The following PCDH11X variants were observed in gnomAD, a reference collection of about 807,000 sequenced individuals.
The protein encoded by PCDH11X is protocadherin 11 X-linked.
Under a neutral mutation model 53.3 loss-of-function variants are expected in PCDH11X, and 18 were observed. That is an observed-to-expected ratio of 0.34 (90% CI 0.23 to 0.50). The LOEUF is 0.50. Among genes scored for constraint, PCDH11X ranks in the 20% least tolerant of loss-of-function variants. PCDH11X has a pLI of 0.98. For missense variants in PCDH11X, 570 were observed against 1,032.4 expected, an observed-to-expected ratio of 0.55 and a Z score of 6.14; for synonymous variants, 279 against 393.3, an observed-to-expected ratio of 0.71 and a Z score of 3.44.
intron 10 of PCDH11X, among the ~76,000 whole-genome samples, chrX:92,517,278 A>G (rs945267464): frequency 2.7e-5 from 3 of 111,932 alleles, no homozygotes; most frequent in Non-Finnish European, 5.6e-5. Context: ...GTGCGTGCAT[A>G]CCAAATTTCA....
intron 10 of PCDH11X, among the ~76,000 whole-genome samples, chrX:92,470,642 A>C (rs1032822692): frequency 1.8e-5 from 2 of 111,683 alleles, no homozygotes; most frequent in African/African-American, 6.5e-5. Context: ...CAATTCTTAG[A>C]GAATTTTTTT....
At chrX:92,205,142 C>T (rs769407007) in intron 7 of PCDH11X, among the ~76,000 whole-genome samples, 1 of 111,694 alleles carries the variant, frequency 9.0e-6, no homozygotes, top group Non-Finnish European at 1.9e-5. Context: ...AGCCTACACC[C>T]AGGAATGAAC....
intron 6 of PCDH11X, among the ~76,000 whole-genome samples, chrX:91,899,328 A>G (rs1440107344): frequency 9.9e-5 from 11 of 110,928 alleles, no homozygotes; most frequent in Non-Finnish European, 1.1e-4. Flanking sequence ...CAGCCAGTGT[A>G]TTCTTTCCAG....
At chrX:91,957,094 T>C (rs1298166627) in intron 6 of PCDH11X, among the ~76,000 whole-genome samples, 1 of 111,254 alleles carries the variant, frequency 9.0e-6, no homozygotes. Context: ...TGTTGTGTTT[T>C]TCAGCCCCCT....
chrX:92,618,890 G>T lies in PCDH11X; in HGVS notation c.3994G>T (p.Ala1332Ser). The T allele has an allele frequency of 4.1e-6, 5 of 1,211,936 alleles. No homozygotes were observed. The highest frequency in any genetic ancestry group is 5.6e-6 in the Non-Finnish European group (5 of 895,484). ...GACAACCTTCACTCCACGCCAACAGGCCAGACCGTCCAGAGGTGATTCCCC... is the reference window on the plus strand; with the variant it reads ...GACAACCTTCACTCCACGCCAACAGTCCAGACCGTCCAGAGGTGATTCCCC... ...PLTTFTPRQQ[A>S]RPSRGDSPIM... Residue 1332 changes from alanine (A) to serine (S), a missense_variant, in exon 11 of 11, where the codon GCC (alanine) becomes TCC (serine). Around this residue, in one of 6 missense-constraint regions of PCDH11X, gnomAD observed 234 missense variants for 296.1 expected, o/e 0.79. Coordinates refer to ENST00000682573, the MANE Select transcript of PCDH11X (RefSeq NM_032968.5).
intron 10 of PCDH11X, among the ~76,000 whole-genome samples, chrX:92,543,652 C>T (rs999367492): frequency 1.8e-5 from 2 of 110,265 alleles, no homozygotes; most frequent in South Asian, 3.9e-4. Context: ...TGATGGCGGG[C>T]GCCTGTAATC....
chrX:92,385,277 G>C (rs1351832314), intron 8 of PCDH11X, among the ~76,000 whole-genome samples: 2 of 101,842 alleles, frequency 2.0e-5, no homozygotes, highest in Non-Finnish European at 4.0e-5. Context: ...GTAATTCAGG[G>C]TAACATTCGG....
chrX:92,470,549 G>T (rs1014369670), intron 10 of PCDH11X, among the ~76,000 whole-genome samples: 10 of 109,622 alleles, frequency 9.1e-5, no homozygotes, highest in Non-Finnish European at 1.9e-4. Flanking sequence ...AACACTTTTC[G>T]TTTTTTCCCC....
At chrX:91,932,714 CT>C (rs1313184784) in intron 6 of PCDH11X, among the ~76,000 whole-genome samples, 1 of 105,528 alleles carries the variant, frequency 9.5e-6, no homozygotes, top group Non-Finnish European at 2.0e-5. Context: ...GCGCGCGCGC[CT>C]GAGAAAGAGA....
At chrX:92,559,620 G>A (rs1049183556) in intron 10 of PCDH11X, among the ~76,000 whole-genome samples, 4 of 111,472 alleles carry the variant, frequency 3.6e-5, no homozygotes, top group African/African-American at 1.3e-4. Flanking sequence ...GTCTTGTGGT[G>A]CAGAAAGAGA....
intron 6 of PCDH11X, among the ~76,000 whole-genome samples, chrX:92,112,331 T>TA (rs72029186): frequency 0.011 from 940 of 89,053 alleles, 4 homozygotes; most frequent in Non-Finnish European, 0.015. Context: ...GATGTTCTGG[T>TA]AAAAAAAAAA....
intron 9 of PCDH11X, among the ~76,000 whole-genome samples, chrX:92,439,042 C>T (rs767944573): frequency 3.6e-5 from 4 of 110,829 alleles, no homozygotes; most frequent in African/African-American, 1.3e-4. Context: ...ATTTTTAATA[C>T]TTTTGTATTA....
At chrX:91,927,472 T>A (rs1602508151) in intron 6 of PCDH11X, among the ~76,000 whole-genome samples, 1 of 110,621 alleles carries the variant, frequency 9.0e-6, no homozygotes, top group Non-Finnish European at 1.9e-5. Flanking sequence ...TGGTAAGGAA[T>A]CCAGCCTTTT....
At chrX:92,299,919 C>A (rs916259363) in intron 8 of PCDH11X, among the ~76,000 whole-genome samples, 4 of 105,877 alleles carry the variant, frequency 3.8e-5, no homozygotes, top group African/African-American at 1.4e-4. Flanking sequence ...TGAGATCTTT[C>A]TAAGTTTCTG....
intron 6 of PCDH11X, among the ~76,000 whole-genome samples, chrX:92,177,020 C>T (rs752506787): frequency 3.8e-5 from 4 of 105,140 alleles, no homozygotes; most frequent in Admixed American, 3.1e-4. Flanking sequence ...TTGTTGCCCA[C>T]GCTAGAGTGC....
chrX:91,836,177 A>C (rs1020166114), intron 5 of PCDH11X, 133 bp downstream of exon 5: 4 of 855,660 alleles, frequency 4.7e-6, no homozygotes, highest in Admixed American at 3.8e-5. Flanking sequence ...TTTAAAGCAT[A>C]GTGGAGAAAA....
intron 10 of PCDH11X, among the ~76,000 whole-genome samples, chrX:92,511,954 C>T (rs1425384357): frequency 9.5e-6 from 1 of 105,551 alleles, no homozygotes; most frequent in Non-Finnish European, 1.9e-5. Flanking sequence ...CGTGGCATCA[C>T]ATTGTAATGT....
chrX:91,903,174 A>G (rs370166178), intron 6 of PCDH11X, among the ~76,000 whole-genome samples: 9 of 111,281 alleles, frequency 8.1e-5, no homozygotes, highest in South Asian at 3.8e-4. Flanking sequence ...TATTGCTTCT[A>G]TCTCTACTCC....
At chrX:92,462,386 C>T (rs2073067054) in intron 9 of PCDH11X, among the ~76,000 whole-genome samples, 1 of 110,933 alleles carries the variant, frequency 9.0e-6, no homozygotes, top group Non-Finnish European at 1.9e-5. Context: ...ATCAATTTCA[C>T]TGTGGACCTA....
Sources: gnomAD v4.1 joint callset for allele counts (sites outside exome capture counted in the v4.1 genomes callset) on GRCh38, gnomAD v4.1.1 for gene constraint, gnomAD v4.1.1 regional missense constraint, MANE v1.5 for transcripts, NCBI Gene and HGNC (gene_info 2026-07-23, HGNC 2026-07-21) for gene names.